The following ZNF546 variants were observed in gnomAD, a reference collection of about 807,000 sequenced individuals.
ZNF546 encodes zinc finger protein 546.
A neutral mutation model predicts 76.2 loss-of-function variants in ZNF546; 60 were observed. The observed-to-expected ratio is 0.79, with a 90% CI of 0.64 to 0.98. ZNF546 has a LOEUF of 0.98. Ranked by LOEUF, ZNF546 falls within the 50% of genes least tolerant of loss-of-function variation. The pLI is 0.00. For missense variants in ZNF546, 936 were observed against 1,035.6 expected, an observed-to-expected ratio of 0.90 and a Z score of 1.32; for synonymous variants, 277 against 328.1, an observed-to-expected ratio of 0.84 and a Z score of 1.68.
chr19:40,008,505 T>C lies in ZNF546; in HGVS notation c.334T>C (p.Leu112=). 6.2e-7 allele frequency: 1 copy of C among 1,612,506 alleles called. No homozygotes were observed. ...TIPKPDVITL[L]EQEKEPWIVM... is the part of the protein sequence containing the mutation. ...TCCTAAGCCAGATGTGATTACTTTA[T>C]TGGAGCAAGAGAAAGAGCCCTGGAT... The change falls in exon 6 of 7, where the codon TTG becomes CTG. Residue 112 remains leucine, a synonymous_variant. Transcript: ENST00000347077.
At chr19:40,004,049 T>C (rs1971566527) in intron 3 of ZNF546, among the ~76,000 whole-genome samples, 3 of 139,776 alleles carry the variant, frequency 2.1e-5, no homozygotes, top group Admixed American at 2.1e-4. Context: ...AATATATTTA[T>C]ATGTATTTAT....
At position 40,009,404 on chromosome 19, in the gene ZNF546, G is replaced by A. The variant is rs913060247; in HGVS notation, c.394+839G>A. Among the ~76,000 whole-genome samples the A allele has an allele frequency of 4.6e-5, 7 of 152,220 alleles. No individual in the cohort carries two copies. The South Asian group carries it at 8.3e-4, about 18-fold the overall frequency. ...ATGGAAGTGGAATTTCTGGGTCATA[G>A]GACAAGTGTATTTTCTTAATCATAT... On this transcript the variant is annotated intron_variant, in intron 6 of 6. Transcript: ENST00000347077.
At chr19:40,004,108 T>C (rs1464498514) in intron 3 of ZNF546, among the ~76,000 whole-genome samples, 2 of 140,418 alleles carry the variant, frequency 1.4e-5, no homozygotes, top group African/African-American at 2.8e-5. Context: ...TAAATATATA[T>C]TATATATATA....
Position 40,014,096 on chromosome 19 carries a change from A to C in ZNF546, c.826A>C (p.Lys276Gln). The part of the protein sequence containing the change: ...IHAGERPYEC[K>Q]ECGKAFRLHY... ...TGCTGGGGAGAGACCCTATGAATGT[A>C]AAGAATGTGGGAAGGCCTTTAGACT... The change falls in exon 7 of 7, where the codon AAA becomes CAA. Residue 276 changes from lysine (K) to glutamine (Q), a missense_variant. Transcript: ENST00000347077. 6.2e-7 allele frequency: 1 copy of C among 1,613,934 alleles called. No individual in the cohort carries two copies. Among genetic ancestry groups the C allele is most frequent in the Non-Finnish European group, 8.5e-7 (1 of 1,179,818 alleles).
rs779608772 is a variant in ZNF546 at position 40,007,428 on chromosome 19, A to G, written c.298+28A>G. ...AAGGTATCTTTCGAAATCGTTTACA[A>G]TCTGTTTTCTGGAGTATCAGCTTTC... is the stretch of plus-strand genomic sequence containing the variant. On this transcript the variant is annotated intron_variant, in intron 5 of 6. Transcript: ENST00000347077. The G allele has an allele frequency of 4.5e-6, 7 of 1,567,264 alleles. No individual in the cohort carries two copies. In the East Asian group the frequency reaches 6.9e-5, roughly 16 times the overall value.
At chr19:40,013,603 A>C (rs1971698633) in intron 6 of ZNF546, 62 bp from the exon 7 acceptor site, 1 of 1,373,768 alleles carries the variant, frequency 7.3e-7, no homozygotes, top group African/African-American at 1.5e-5. Flanking sequence ...CTGCCCCAAC[A>C]CAGAAAAATA....
At chr19:40,013,027 A>C (rs1345416529) in intron 6 of ZNF546, among the ~76,000 whole-genome samples, 1 of 151,952 alleles carries the variant, frequency 6.6e-6, no homozygotes, top group African/African-American at 2.4e-5. Flanking sequence ...GTTAGCCGGG[A>C]TGGTCTCGAT....
In ZNF546 at chr19:40,014,099, G is replaced by A; in HGVS notation, c.829G>A (p.Glu277Lys). 6.2e-7 allele frequency: 1 copy of A among 1,613,922 alleles called. No homozygotes were observed. Among genetic ancestry groups the A allele is most frequent in the Non-Finnish European group, 8.5e-7 (1 of 1,179,826 alleles). ...TGGGGAGAGACCCTATGAATGTAAAGAATGTGGGAAGGCCTTTAGACTTCA... is the reference window on the plus strand; with the variant it reads ...TGGGGAGAGACCCTATGAATGTAAAAAATGTGGGAAGGCCTTTAGACTTCA... ...HAGERPYECK[E>K]CGKAFRLHYH... The change falls in exon 7 of 7, where the codon GAA becomes AAA. Residue 277 changes from glutamate to lysine, a missense_variant. Physicochemically the swap from Glu to Lys is moderately conservative, Grantham distance 56. Coordinates refer to ENST00000347077, the MANE Select transcript of ZNF546 (RefSeq NM_178544.5).
At chr19:40,010,743 T>G (rs1971660384) in intron 6 of ZNF546, among the ~76,000 whole-genome samples, 1 of 151,978 alleles carries the variant, frequency 6.6e-6, no homozygotes, top group African/African-American at 2.4e-5. Flanking sequence ...AATGCAGTGG[T>G]GCGACCTCGG....
chr19:40,007,873 T>C (rs1239516994), intron 5 of ZNF546, among the ~76,000 whole-genome samples: 1 of 152,204 alleles, frequency 6.6e-6, no homozygotes, highest in African/African-American at 2.4e-5. Flanking sequence ...ATATTCTCCT[T>C]AACCTGCTTT....
In ZNF546 at chr19:40,017,141, A is replaced by C. The variant is rs1026722860; in HGVS notation, c.*1360A>C. The stretch of plus-strand genomic sequence containing the variant: ...GAATAATTAACTGGAGATAATATCC[A>C]GTAAAATAGATTAAACTTCCATTTA... On this transcript the variant is annotated 3_prime_UTR_variant, in exon 7 of 7. Coordinates refer to ENST00000347077, the MANE Select transcript of ZNF546 (RefSeq NM_178544.5). The C allele has an allele frequency of 7.2e-5, 11 of 152,360 alleles. No individual in the cohort carries two copies. Among genetic ancestry groups the C allele is most frequent in the Admixed American group, 5.9e-4 (9 of 15,308 alleles). The allele number at this position is 152,360 out of a possible 1,614,324, so 9.4% of individuals were successfully genotyped here.
At chr19:40,006,457 G>A (rs968478544) in intron 4 of ZNF546, among the ~76,000 whole-genome samples, 14 of 152,318 alleles carry the variant, frequency 9.2e-5, no homozygotes, top group Admixed American at 2.0e-4. Context: ...GGACTAGGCT[G>A]GAGTATGATT....
chr19:40,017,256 A>G lies in ZNF546; in HGVS notation c.*1475A>G, dbSNP rs1301269910. 1 of 152,172 alleles carries G rather than the reference A, an allele frequency of 6.6e-6. No homozygotes were observed. The highest frequency in any genetic ancestry group is 1.5e-5 in the Non-Finnish European group (1 of 68,018). 9.4% of individuals were successfully genotyped at this position (152,172 alleles called of 1,614,324 possible). On this transcript the variant is annotated 3_prime_UTR_variant, in exon 7 of 7. Transcript: ENST00000347077. ...AGATTATGAGAGTAAAGTTTTGAAG[A>G]CTCAGGGATAGCTGTAATGCTTTTT...
intron 6 of ZNF546, among the ~76,000 whole-genome samples, chr19:40,010,981 T>C (rs1971663670): frequency 6.6e-6 from 1 of 152,074 alleles, no homozygotes. Context: ...TACCTGGCCT[T>C]CTGCCCATTT....
Position 39,998,285 on chromosome 19 carries a change from A to G in ZNF546, c.-42A>G. On this transcript the variant is annotated 5_prime_UTR_variant, in exon 3 of 7. Transcript: ENST00000347077. ...TTGCTTTGCTTTTCCTGAATTGTCC[A>G]GTGACCTATCCCAGGCCTTCCTTTC... The G allele has an allele frequency of 1.3e-6, 2 of 1,498,160 alleles. No individual in the cohort carries two copies. The highest frequency in any genetic ancestry group is 1.9e-6 in the Non-Finnish European group (2 of 1,075,622). 92.8% of individuals were successfully genotyped at this position (1,498,160 alleles called of 1,614,324 possible). A position where few individuals can be genotyped will look rare whatever the true frequency, so the allele number is the denominator to read the frequency against.
At chr19:40,002,594 C>CT (rs1328103917) in intron 3 of ZNF546, among the ~76,000 whole-genome samples, 4 of 152,150 alleles carry the variant, frequency 2.6e-5, no homozygotes, top group Non-Finnish European at 5.9e-5. Context: ...TCCAATAGAA[C>CT]TTTCCATGAT....
chr19:40,011,057 G>A (rs769606700), intron 6 of ZNF546, among the ~76,000 whole-genome samples: 4 of 152,104 alleles, frequency 2.6e-5, no homozygotes, highest in Admixed American at 6.5e-5. Flanking sequence ...CTGGATGTAA[G>A]TCCTTTATCA....
At chr19:40,006,322 G>C in intron 4 of ZNF546, 140 bp downstream of exon 4, 1 of 675,696 alleles carries the variant, frequency 1.5e-6, no homozygotes. Flanking sequence ...TTACAGTGAA[G>C]GATAGTGCCA....
At chr19:40,013,448 G>C (rs1971696865) in intron 6 of ZNF546, among the ~76,000 whole-genome samples, 1 of 152,118 alleles carries the variant, frequency 6.6e-6, no homozygotes, top group Non-Finnish European at 1.5e-5. Context: ...TTGTGACAGA[G>C]ACCATATGCC....
Sources: gnomAD v4.1 joint callset for allele counts (sites outside exome capture counted in the v4.1 genomes callset) on GRCh38, gnomAD v4.1.1 for gene constraint, MANE v1.5 for transcripts, NCBI Gene and HGNC (gene_info 2026-07-23, HGNC 2026-07-21) for gene names.